The following MTFMT variants were observed in gnomAD, a reference collection of about 807,000 sequenced individuals.
MTFMT encodes mitochondrial methionyl-tRNA formyltransferase.
Under a neutral mutation model 51.8 loss-of-function variants are expected in MTFMT, and 47 were observed. The ratio of observed to expected loss-of-function variants is 0.91; its 90% CI spans 0.72 to 1.16. The LOEUF is 1.16. MTFMT is among the 50% of genes most tolerant of loss of function. MTFMT has a pLI of 0.00. For synonymous variants in MTFMT, 196 were observed against 176.7 expected (o/e 1.11, Z -0.87); for missense variants, 512 against 482.3 (o/e 1.06, Z -0.58).
intron 8 of MTFMT, among the ~76,000 whole-genome samples, chr15:65,004,188 T>C (rs748029462): frequency 1.4e-4 from 22 of 152,018 alleles, no homozygotes; most frequent in African/African-American, 5.1e-4. Flanking sequence ...GACTAATTTT[T>C]GTACTGTTAG....
rs1016139789 is a variant in MTFMT at position 65,029,197 on chromosome 15, G to C, written c.209+208C>G. ...ACCCACAGAGGCGGCGGGGAGTGAG[G>C]GGCGCAGACCGCAGGTACTAGGCGC... is the stretch of plus-strand genomic sequence containing the variant. On this transcript the variant is annotated intron_variant, in intron 1 of 8. Coordinates refer to ENST00000220058, the MANE Select transcript of MTFMT (RefSeq NM_139242.4). 2.1e-5 allele frequency: 19 copies of C among 898,674 alleles called. No homozygotes were observed. The African/African-American group carries it at 3.1e-4, about 14-fold the overall frequency. The allele number at this position is 898,674 out of a possible 1,614,324, so 55.7% of individuals were successfully genotyped here.
chr15:65,021,524 C>T lies in MTFMT; in HGVS notation c.635G>A (p.Gly212Asp), dbSNP rs1231560135. Residue 212 changes from glycine (G) to aspartate (D), a missense_variant, in exon 4 of 9, where the codon GGT becomes GAT. Physicochemically the swap from Gly to Asp is moderately conservative, Grantham distance 94. Coordinates refer to ENST00000220058, the MANE Select transcript of MTFMT (RefSeq NM_139242.4). ...KELEAVLSRL[G>D]ANMLISVLKN... ...ATTGGGGAATTATACCATGTTGGCA[C>T]CCAGTCTTGACAACACTGCTTCCAA... is the stretch of plus-strand genomic sequence containing the variant. The T allele has an allele frequency of 2.5e-6, 4 of 1,608,634 alleles. No individual in the cohort carries two copies. The African/African-American group carries it at 4.0e-5, about 16-fold the overall frequency.
Position 65,001,616 on chromosome 15 carries a change from CTT to C in MTFMT, c.*1444_*1445del, listed in dbSNP as rs1454195828. ...GTGGTTCATGCTTGTAATCCCAGCA[CTT>C]TGAGAGGCCAAGGCAGGAGGATTGC... On this transcript the variant is annotated 3_prime_UTR_variant, in exon 9 of 9. Transcript: ENST00000220058. 1 of 152,242 alleles carries C rather than the reference CTT, an allele frequency of 6.6e-6. No homozygotes were observed. Among genetic ancestry groups the C allele is most frequent in the African/African-American group, 2.4e-5 (1 of 41,452 alleles). The allele number at this position is 152,242 out of a possible 1,614,324, so 9.4% of individuals were successfully genotyped here. A position where few individuals can be genotyped will look rare whatever the true frequency, so the allele number is the denominator to read the frequency against.
intron 2 of MTFMT, among the ~76,000 whole-genome samples, chr15:65,024,524 AT>A (rs2086405124): frequency 1.4e-5 from 2 of 144,990 alleles, no homozygotes; most frequent in Non-Finnish European, 1.5e-5. Flanking sequence ...TTTTTTTTTA[AT>A]TTTTTTTTGA....
In MTFMT at chr15:65,023,531, C is replaced by G. The variant is rs1474280834; in HGVS notation, c.542+141G>C. 4.4e-6 allele frequency: 3 copies of G among 685,586 alleles called. No homozygotes were observed. In the East Asian group the frequency reaches 9.0e-5, roughly 21 times the overall value. The allele number at this position is 685,586 out of a possible 1,614,324, so 42.5% of individuals were successfully genotyped here. A position where few individuals can be genotyped will look rare whatever the true frequency, so the allele number is the denominator to read the frequency against. On this transcript the variant is annotated intron_variant, in intron 3 of 8. Transcript: ENST00000220058. ...GTTTATGTTAGAAACCAGGAGAAAA[C>G]AGAAAGGATATAAAAGCAGAAGAAG...
At position 65,020,244 on chromosome 15, in the gene MTFMT, T is replaced by C. The variant is rs768725371; in HGVS notation, c.674A>G (p.Glu225Gly). 1.9e-6 allele frequency: 3 copies of C among 1,610,156 alleles called. No individual in the cohort carries two copies. The highest frequency in any genetic ancestry group is 1.7e-5 in the Admixed American group (1 of 59,552). ...MLISVLKNLP[E>G]SLSNGRQQPM... Reference sequence around the variant, plus strand: ...CTGCTGCCTTCCATTGCTCAGACTTTCAGGCAAATTTTTCAAAACTGAAAT... The same window carrying C: ...CTGCTGCCTTCCATTGCTCAGACTTCCAGGCAAATTTTTCAAAACTGAAAT... Residue 225 changes from glutamate to glycine, a missense_variant, in exon 5 of 9, where the codon GAA (glutamate) becomes GGA (glycine). Glu to Gly is a moderately conservative substitution (Grantham distance 98). Coordinates refer to ENST00000220058, the MANE Select transcript of MTFMT (RefSeq NM_139242.4).
intron 6 of MTFMT, among the ~76,000 whole-genome samples, chr15:65,011,078 T>C (rs535670998): frequency 6.6e-6 from 1 of 152,234 alleles, no homozygotes; most frequent in East Asian, 1.9e-4. Flanking sequence ...TCCCAGCACT[T>C]AGGGAGGCTG....
At chr15:65,003,528 T>C (rs1304278322) in intron 8 of MTFMT, among the ~76,000 whole-genome samples, 1 of 152,040 alleles carries the variant, frequency 6.6e-6, no homozygotes, top group Non-Finnish European at 1.5e-5. Flanking sequence ...AATATTTAAA[T>C]ACAAAGGGAG....
intron 6 of MTFMT, among the ~76,000 whole-genome samples, chr15:65,011,055 C>T (rs1231087698): frequency 6.6e-6 from 1 of 152,188 alleles, no homozygotes; most frequent in East Asian, 1.9e-4. Context: ...AGGGCAGTGG[C>T]TCATGCCTGT....
At chr15:65,023,828 T>C (rs1566944070) in intron 2 of MTFMT, 34 bp from the exon 3 acceptor site, 2 of 1,587,050 alleles carry the variant, frequency 1.3e-6, no homozygotes, top group Non-Finnish European at 8.6e-7. Context: ...AGTATGTCAG[T>C]GGGCTTTACC....
chr15:65,012,682 A>G (rs2086281429), intron 6 of MTFMT, among the ~76,000 whole-genome samples: 1 of 152,126 alleles, frequency 6.6e-6, no homozygotes, highest in African/African-American at 2.4e-5. Flanking sequence ...CTACAGGCAT[A>G]AGCCATCATG....
intron 5 of MTFMT, 105 bp from the exon 6 acceptor site, chr15:65,016,632 T>A: frequency 1.7e-6 from 1 of 583,960 alleles, no homozygotes. Flanking sequence ...TTCTAACCTC[T>A]CAACTTTTCT....
chr15:65,027,155 A>C, intron 1 of MTFMT, 115 bp from the exon 2 acceptor site: 1 of 759,706 alleles, frequency 1.3e-6, no homozygotes, highest in Non-Finnish European at 2.2e-6. Flanking sequence ...TTTAGGGCTA[A>C]ATGATTAAAA....
At chr15:65,028,400 G>A (rs944898903) in intron 1 of MTFMT, among the ~76,000 whole-genome samples, 1 of 152,168 alleles carries the variant, frequency 6.6e-6, no homozygotes, top group African/African-American at 2.4e-5. Context: ...GGGGGACAGC[G>A]CGAGACCTCG....
chr15:65,008,898 T>C (rs957918529), intron 6 of MTFMT, among the ~76,000 whole-genome samples: 1 of 152,216 alleles, frequency 6.6e-6, no homozygotes, highest in Non-Finnish European at 1.5e-5. Context: ...GCTAGGTACA[T>C]ACTCAGAATA....
intron 1 of MTFMT, among the ~76,000 whole-genome samples, chr15:65,027,643 T>A (rs2086437449): frequency 6.6e-6 from 1 of 152,242 alleles, no homozygotes; most frequent in Non-Finnish European, 1.5e-5. Flanking sequence ...ACAACTGGGA[T>A]ATTACATACT....
chr15:65,002,983 AAG>A lies in MTFMT; in HGVS notation c.*77_*78del. The A allele has an allele frequency of 1.0e-5, 10 of 956,516 alleles. No homozygotes were observed. Among genetic ancestry groups the A allele is most frequent in the African/African-American group, 1.7e-5 (1 of 59,100 alleles). The allele number at this position is 956,516 out of a possible 1,614,324, so 59.3% of individuals were successfully genotyped here. On this transcript the variant is annotated 3_prime_UTR_variant, in exon 9 of 9. Coordinates refer to ENST00000220058, the MANE Select transcript of MTFMT (RefSeq NM_139242.4). ...GTCTCAAAAAAAAAAAAAAAAAAAAAAGTCCAGATAATTCCTTGTAAATAAGG... is the reference window on the plus strand; with the variant it reads ...GTCTCAAAAAAAAAAAAAAAAAAAAATCCAGATAATTCCTTGTAAATAAGG...
chr15:65,006,525 T>C (rs747338978), intron 6 of MTFMT, among the ~76,000 whole-genome samples: 2 of 151,950 alleles, frequency 1.3e-5, no homozygotes, highest in African/African-American at 2.4e-5. Flanking sequence ...TACAGGCGCC[T>C]GCAACCATGC....
At chr15:65,021,644 A>T (rs1258548057) in intron 3 of MTFMT, 28 bp from the exon 4 acceptor site, 3 of 1,477,156 alleles carry the variant, frequency 2.0e-6, no homozygotes, top group Non-Finnish European at 2.8e-6. Flanking sequence ...GCAAATAATG[A>T]CAATGATTAC....
Sources: gnomAD v4.1 joint callset for allele counts (sites outside exome capture counted in the v4.1 genomes callset) on GRCh38, gnomAD v4.1.1 for gene constraint, MANE v1.5 for transcripts, NCBI Gene and HGNC (gene_info 2026-07-23, HGNC 2026-07-21) for gene names.